The following GFRA2 variants were observed in gnomAD, a reference collection of about 807,000 sequenced individuals.
GFRA2 encodes the protein GDNF family receptor alpha-2.
GFRA2 carries 17 observed loss-of-function variants against 48.3 expected under a neutral mutation model. That is an observed-to-expected ratio of 0.35 (90% CI 0.24 to 0.53). GFRA2 has a LOEUF of 0.53. Ranked by LOEUF, GFRA2 falls within the 20% of genes least tolerant of loss-of-function variation. The pLI, the probability that GFRA2 is intolerant of heterozygous loss-of-function variation, is 0.93. For synonymous variants in GFRA2, 305 were observed against 257.2 expected, an observed-to-expected ratio of 1.19 and a Z score of -1.78; for missense variants, 660 against 637.3, an observed-to-expected ratio of 1.04 and a Z score of -0.38.
chr8:21,706,010 G>A lies in GFRA2; in HGVS notation c.826C>T (p.Arg276Ter), dbSNP rs759366064. Residue 276 changes from arginine to a stop codon, truncating the protein, a stop_gained, in exon 5 of 9, where the codon CGA becomes TGA. Transcript: ENST00000524240. LOFTEE classifies it high-confidence loss of function. ...SRLADFHANC[R>*]ASYQTVTSCP... is the part of the protein sequence containing the mutation. ...CTGGTGACCGTCTGGTAGGAGGCTC[G>A]ACAATTGGCATGGAAGTCGGCCAGC... The A allele has an allele frequency of 1.9e-6, 3 of 1,578,518 alleles. No homozygotes were observed. Among genetic ancestry groups the A allele is most frequent in the Middle Eastern group, 1.7e-4 (1 of 6,014 alleles).
chr8:21,723,456 G>A (rs1395783889), intron 4 of GFRA2, among the ~76,000 whole-genome samples: 2 of 152,220 alleles, frequency 1.3e-5, no homozygotes, highest in Non-Finnish European at 2.9e-5. Context: ...TGGGACTGCA[G>A]AGAGCAGGAA....
chr8:21,721,714 C>T (rs1265951084), intron 4 of GFRA2, among the ~76,000 whole-genome samples: 1 of 152,160 alleles, frequency 6.6e-6, no homozygotes, highest in Non-Finnish European at 1.5e-5. Flanking sequence ...CACCCAAATC[C>T]TCTTCAGCTT....
At chr8:21,779,217 A>G (rs1156349664) in intron 2 of GFRA2, among the ~76,000 whole-genome samples, 1 of 152,144 alleles carries the variant, frequency 6.6e-6, no homozygotes, top group African/African-American at 2.4e-5. Context: ...GAGATTTGGA[A>G]CCAGAGAAGC....
chr8:21,709,069 G>A (rs1469271204), intron 4 of GFRA2, among the ~76,000 whole-genome samples: 2 of 152,194 alleles, frequency 1.3e-5, no homozygotes, highest in African/African-American at 4.8e-5. Context: ...GCAGGACCTA[G>A]CTCCTTCAGG....
chr8:21,713,400 T>G (rs1265135982), intron 4 of GFRA2, among the ~76,000 whole-genome samples: 1 of 152,056 alleles, frequency 6.6e-6, no homozygotes, highest in East Asian at 1.9e-4. Flanking sequence ...TTCACCTTGT[T>G]GGCCAAGCTG....
upstream of GFRA2, chr8:21,789,982 C>T (rs1472330426): frequency 9.1e-6 from 7 of 772,806 alleles, no homozygotes; most frequent in South Asian, 5.8e-5. Flanking sequence ...AGGCAGCTCC[C>T]GGCTCCCTAG....
intron 3 of GFRA2, 51 bp downstream of exon 3, chr8:21,774,921 G>T (rs1185121112): frequency 2.0e-6 from 2 of 993,456 alleles, no homozygotes; most frequent in African/African-American, 1.6e-5. Flanking sequence ...CATCTGCCAT[G>T]CCACAGGGAC....
chr8:21,760,313 G>A (rs1458605843), intron 3 of GFRA2, among the ~76,000 whole-genome samples: 2 of 152,214 alleles, frequency 1.3e-5, no homozygotes, highest in Non-Finnish European at 2.9e-5. Flanking sequence ...CAGAAAAGGA[G>A]ACCAGTCACA....
At chr8:21,731,956 C>T (rs1251914229) in intron 4 of GFRA2, among the ~76,000 whole-genome samples, 4 of 152,240 alleles carry the variant, frequency 2.6e-5, no homozygotes, top group African/African-American at 9.6e-5. Context: ...AACACTGTGT[C>T]ACCAAGAAAA....
At chr8:21,726,991 C>A (rs1245348248) in intron 4 of GFRA2, among the ~76,000 whole-genome samples, 4 of 152,138 alleles carry the variant, frequency 2.6e-5, no homozygotes, top group African/African-American at 9.7e-5. Flanking sequence ...ACCTCGTGAT[C>A]CACCTGCCTC....
chr8:21,693,170 A>C lies in GFRA2; in HGVS notation c.*108T>G, dbSNP rs2117303438. On this transcript the variant is annotated 3_prime_UTR_variant, in exon 9 of 9. Coordinates refer to ENST00000524240, the MANE Select transcript of GFRA2 (RefSeq NM_001495.5). ...GGTTCAGCGACAAGGTGGGAAAAAC[A>C]ATTTTTTTTTTGCAAGGTGTGTGTG... The C allele has an allele frequency of 8.6e-7, 1 of 1,157,862 alleles. No individual in the cohort carries two copies. The highest frequency in any genetic ancestry group is 2.4e-5 in the South Asian group (1 of 41,932). The allele number at this position is 1,157,862 out of a possible 1,614,324, so 71.7% of individuals were successfully genotyped here.
intron 3 of GFRA2, among the ~76,000 whole-genome samples, chr8:21,762,315 C>T (rs1459831291): frequency 6.6e-6 from 1 of 152,162 alleles, no homozygotes; most frequent in Non-Finnish European, 1.5e-5. Flanking sequence ...GCCTTGCCTC[C>T]CAGTCCTCTC....
chr8:21,761,821 G>A (rs142084514), intron 3 of GFRA2, among the ~76,000 whole-genome samples: 8 of 152,058 alleles, frequency 5.3e-5, no homozygotes, highest in Middle Eastern at 6.8e-3. Flanking sequence ...GTGATGGTGC[G>A]CACCTGTAAT....
chr8:21,776,017 G>T (rs1041528387), intron 2 of GFRA2, among the ~76,000 whole-genome samples: 5 of 148,580 alleles, frequency 3.4e-5, no homozygotes, highest in African/African-American at 1.3e-4. Context: ...GTGTGTGTGT[G>T]TGTGTGTGTG....
chr8:21,717,104 G>A (rs760185010), intron 4 of GFRA2, among the ~76,000 whole-genome samples: 8 of 152,156 alleles, frequency 5.3e-5, no homozygotes, highest in Admixed American at 1.3e-4. Context: ...CTCACTGTGC[G>A]TCACTTGGCT....
rs1033017063 is a variant in GFRA2 at position 21,691,608 on chromosome 8, T to C, written c.*1670A>G. 1.3e-5 allele frequency: 2 copies of C among 152,298 alleles called. No homozygotes were observed. Among genetic ancestry groups the C allele is most frequent in the Non-Finnish European group, 1.5e-5 (1 of 68,098 alleles). The allele number at this position is 152,298 out of a possible 1,614,324, so 9.4% of individuals were successfully genotyped here. ...CAGAGGGACATACCACTTTGCTCTA[T>C]GTAAGACTAACAGGGCCACCCAGAC... On this transcript the variant is annotated 3_prime_UTR_variant, in exon 9 of 9. Coordinates refer to ENST00000524240, the MANE Select transcript of GFRA2 (RefSeq NM_001495.5).
chr8:21,750,663 C>T lies in GFRA2; in HGVS notation c.719G>A (p.Ser240Asn). 2 of 1,613,866 alleles carry T rather than the reference C, an allele frequency of 1.2e-6. No homozygotes were observed. Among genetic ancestry groups the T allele is most frequent in the South Asian group, 1.1e-5 (1 of 91,088 alleles). The change falls in exon 4 of 9, where the codon AGC (serine) becomes AAC (asparagine). Residue 240 changes from serine to asparagine, a missense_variant. By Grantham distance (46) the Ser-to-Asn change is conservative. Transcript: ENST00000524240. The surrounding 1 kb of genome is among the most constrained non-coding windows in gnomAD (Gnocchi z 5.7). ...AERRRQTILP[S>N]CSYEDKEKPN... ...CTTCTCCTTGTCCTCATAGGAGCAG[C>T]TGGGCAGGATGGTTTGCCGGCGGCG...
chr8:21,781,470 T>C (rs1475343300), intron 2 of GFRA2, among the ~76,000 whole-genome samples: 1 of 152,098 alleles, frequency 6.6e-6, no homozygotes, highest in Non-Finnish European at 1.5e-5. Context: ...CCTTCACCTA[T>C]GTTCCATTTC....
chr8:21,719,253 C>T (rs1803482728), intron 4 of GFRA2, among the ~76,000 whole-genome samples: 1 of 152,118 alleles, frequency 6.6e-6, no homozygotes, highest in African/African-American at 2.4e-5. Context: ...GAGACAGAGG[C>T]CAACCCAAGT....
Sources: allele counts gnomAD v4.1 joint callset (sites outside exome capture counted in the v4.1 genomes callset), GRCh38; gene constraint gnomAD v4.1.1; non-coding constraint Gnocchi (gnomAD v3.1); transcripts MANE v1.5; gene names NCBI Gene and HGNC (gene_info 2026-07-23, HGNC 2026-07-21).